The following ARHGAP20 variants were observed in gnomAD, a reference collection of about 807,000 sequenced individuals.
The protein encoded by ARHGAP20 is rho GTPase-activating protein 20.
Under a neutral mutation model 73.7 loss-of-function variants are expected in ARHGAP20, and 34 were observed. The observed-to-expected ratio is 0.46, with a 90% CI of 0.35 to 0.61. The LOEUF (loss-of-function observed/expected upper bound fraction) is 0.61, where lower values mean the gene tolerates loss of function less well. Among genes scored for constraint, ARHGAP20 ranks in the 20% least tolerant of loss-of-function variants. The probability of loss-of-function intolerance (pLI) is 0.00; values close to 1 mark genes in which losing one functional copy is unlikely to be tolerated. For synonymous variants in ARHGAP20, 523 were observed against 518.2 expected (o/e 1.01, Z -0.13); for missense variants, 1,314 against 1,420.9 (o/e 0.92, Z 1.21).
intron 12 of ARHGAP20, among the ~76,000 whole-genome samples, chr11:110,584,783 C>CTGAT (rs1274367420): frequency 6.6e-6 from 1 of 151,680 alleles, no homozygotes; most frequent in East Asian, 1.9e-4. Flanking sequence ...CATCCCTGCC[C>CTGAT]TGATAGAAGA....
intron 8 of ARHGAP20, 133 bp downstream of exon 8, chr11:110,608,851 T>C (rs1948297028): frequency 1.5e-6 from 1 of 686,792 alleles, no homozygotes; most frequent in African/African-American, 1.8e-5. Context: ...TGATAGATCT[T>C]TATTAAATGA....
At chr11:110,693,886 A>G (rs1950288543) in intron 1 of ARHGAP20, among the ~76,000 whole-genome samples, 1 of 151,904 alleles carries the variant, frequency 6.6e-6, no homozygotes, top group African/African-American at 2.4e-5. Flanking sequence ...TTTGCTTCAC[A>G]GAAAACAAGG....
At chr11:110,600,349 A>G (rs971777813) in intron 9 of ARHGAP20, among the ~76,000 whole-genome samples, 4 of 152,228 alleles carry the variant, frequency 2.6e-5, no homozygotes, top group Admixed American at 1.3e-4. Flanking sequence ...TGTGTTCCCT[A>G]GTGCCAGCCA....
intron 1 of ARHGAP20, among the ~76,000 whole-genome samples, chr11:110,699,710 A>T (rs183308376): frequency 6.6e-6 from 1 of 151,656 alleles, no homozygotes; most frequent in East Asian, 1.9e-4. Flanking sequence ...GAGGATGGCT[A>T]CTCCTGCTCA....
At chr11:110,709,012 T>A (rs557890085) in intron 1 of ARHGAP20, among the ~76,000 whole-genome samples, 4 of 152,282 alleles carry the variant, frequency 2.6e-5, no homozygotes, top group African/African-American at 9.6e-5. Flanking sequence ...GTTCCATCAT[T>A]ACACAATGTA....
chr11:110,606,742 T>C lies in ARHGAP20; in HGVS notation c.783A>G (p.Glu261=), dbSNP rs764142733. The change falls in exon 9 of 15, where the codon GAA becomes GAG. Residue 261 remains glutamate (E), a synonymous_variant. Coordinates refer to ENST00000683387, the MANE Select transcript of ARHGAP20 (RefSeq NM_001384657.1). ...GGCTCATTTTAATTCCATATGGATA[T>C]TCATGCCCTACACAGAGACAAATCT... ...EEAPYPLIGH[E]YPYGIKMSHL... is the part of the protein sequence containing the mutation. 1 of 1,551,432 alleles carries C rather than the reference T, an allele frequency of 6.4e-7. No individual in the cohort carries two copies. Among genetic ancestry groups the C allele is most frequent in the African/African-American group, 1.4e-5 (1 of 72,210 alleles).
At chr11:110,700,490 C>T (rs1797364158) in intron 1 of ARHGAP20, among the ~76,000 whole-genome samples, 1 of 152,008 alleles carries the variant, frequency 6.6e-6, no homozygotes, top group Non-Finnish European at 1.5e-5. Flanking sequence ...GTAGCATTTA[C>T]TTGTGGAGAC....
At chr11:110,685,674 T>C (rs1009918575) in intron 2 of ARHGAP20, among the ~76,000 whole-genome samples, 5 of 152,166 alleles carry the variant, frequency 3.3e-5, no homozygotes, top group Admixed American at 2.6e-4. Flanking sequence ...AAAGGATTCT[T>C]TGAAATCTCC....
Position 110,579,457 on chromosome 11 carries a change from A to G in ARHGAP20, c.3489T>C (p.Ser1163=). ...SLPWERASAS[S]WTLEDATSPD... is the part of the protein sequence containing the mutation. ...GGCTGGTCGCATCCTCTAGAGTCCAAGAGCTGGCTGAGGCTCTTTCCCAAG... is the reference window on the plus strand; with the variant it reads ...GGCTGGTCGCATCCTCTAGAGTCCAGGAGCTGGCTGAGGCTCTTTCCCAAG... Residue 1163 remains serine, a synonymous_variant, in exon 15 of 15, where the codon TCT becomes TCC. Coordinates refer to ENST00000683387, the MANE Select transcript of ARHGAP20 (RefSeq NM_001384657.1). The G allele has an allele frequency of 3.7e-6, 6 of 1,614,148 alleles. No homozygotes were observed. Among genetic ancestry groups the G allele is most frequent in the Non-Finnish European group, 5.1e-6 (6 of 1,180,014 alleles).
At chr11:110,640,875 A>C (rs1949063601) in intron 2 of ARHGAP20, among the ~76,000 whole-genome samples, 1 of 152,126 alleles carries the variant, frequency 6.6e-6, no homozygotes, top group East Asian at 1.9e-4. Flanking sequence ...CACGTTGTGC[A>C]CATGTACCCT....
At chr11:110,661,664 TA>T (rs1407903004) in intron 2 of ARHGAP20, among the ~76,000 whole-genome samples, 3 of 152,126 alleles carry the variant, frequency 2.0e-5, no homozygotes, top group Non-Finnish European at 2.9e-5. Context: ...CACATTTATT[TA>T]GCATAACATA....
chr11:110,582,371 G>T lies in ARHGAP20; in HGVS notation c.1670C>A (p.Ser557Tyr). The T allele has an allele frequency of 1.2e-6, 2 of 1,613,908 alleles. No individual in the cohort carries two copies. The highest frequency in any genetic ancestry group is 2.2e-5 in the East Asian group (1 of 44,882). Residue 557 changes from serine to tyrosine, a missense_variant, in exon 14 of 15, where the codon TCC becomes TAC. This residue lies in a region of ARHGAP20 where 230 missense variants were observed against 317.6 expected (regional missense o/e 0.72). Coordinates refer to ENST00000683387, the MANE Select transcript of ARHGAP20 (RefSeq NM_001384657.1). Reference sequence around the variant, plus strand: ...TCTCACTGAAACCTCTCTGAAGAGGGAAGTGATTTCTTCTCCAAATATCCT... The same window carrying T: ...TCTCACTGAAACCTCTCTGAAGAGGTAAGTGATTTCTTCTCCAAATATCCT... ...CLRIFGEEIT[S>Y]LFREVSVRCD...
intron 3 of ARHGAP20, among the ~76,000 whole-genome samples, chr11:110,624,541 T>C (rs1948696009): frequency 6.6e-6 from 1 of 151,482 alleles, no homozygotes; most frequent in South Asian, 2.1e-4. Context: ...GGAGGGAACT[T>C]AGAGGACGGG....
intron 2 of ARHGAP20, among the ~76,000 whole-genome samples, chr11:110,682,924 A>T (rs1241477528): frequency 6.6e-6 from 1 of 152,134 alleles, no homozygotes; most frequent in Non-Finnish European, 1.5e-5. Context: ...ATTTAAATGC[A>T]ACCAAAGACC....
At chr11:110,588,940 C>T (rs1052280432) in intron 11 of ARHGAP20, among the ~76,000 whole-genome samples, 3 of 152,012 alleles carry the variant, frequency 2.0e-5, no homozygotes, top group African/African-American at 4.8e-5. Context: ...GGCGTGGTGT[C>T]GGGCAACTGT....
At chr11:110,583,491 T>C in intron 13 of ARHGAP20, 57 bp downstream of exon 13, 1 of 1,397,162 alleles carries the variant, frequency 7.2e-7, no homozygotes, top group Non-Finnish European at 9.6e-7. Context: ...ACCCCAAATT[T>C]CAGTTTCAAA....
At chr11:110,687,065 CACACACACACACATATATATAG>C in intron 2 of ARHGAP20, among the ~76,000 whole-genome samples, 1 of 106,876 alleles carries the variant, frequency 9.4e-6, no homozygotes, top group East Asian at 2.9e-4. Context: ...TAGACACACA[CACACACACACACATATATATAG>C]ACACACACAC....
At chr11:110,621,544 C>T (rs910509208) in intron 4 of ARHGAP20, among the ~76,000 whole-genome samples, 4 of 151,996 alleles carry the variant, frequency 2.6e-5, no homozygotes, top group African/African-American at 9.7e-5. Context: ...GCAAAGAAGG[C>T]CACTCAGAAA....
At chr11:110,606,527 T>A in intron 9 of ARHGAP20, 34 bp downstream of exon 9, 1 of 1,588,934 alleles carries the variant, frequency 6.3e-7, no homozygotes, top group Non-Finnish European at 8.5e-7. Flanking sequence ...AAATTTATGT[T>A]CAAGAACGAA....
Sources: allele counts gnomAD v4.1 joint callset (sites outside exome capture counted in the v4.1 genomes callset), GRCh38; gene constraint gnomAD v4.1.1; regional missense constraint gnomAD v4.1.1; transcripts MANE v1.5; gene names NCBI Gene and HGNC (gene_info 2026-07-23, HGNC 2026-07-21).